PARP1: variants seen among roughly 807,000 people sequenced by gnomAD.
The protein encoded by PARP1 is poly(ADP-ribose) polymerase 1, also known as poly [ADP-ribose] polymerase 1.
In PARP1, 44 loss-of-function variants were observed where a neutral mutation model predicts 118.7. That is an observed-to-expected ratio of 0.37 (90% CI 0.29 to 0.48). PARP1 has a LOEUF of 0.48. PARP1 is among the 20% of genes least tolerant of loss of function. The probability of loss-of-function intolerance (pLI) is 0.99; values close to 1 mark genes in which losing one functional copy is unlikely to be tolerated. For synonymous variants in PARP1, 492 were observed against 483.2 expected, an observed-to-expected ratio of 1.02 and a Z score of -0.24; for missense variants, 1,100 against 1,272.4, an observed-to-expected ratio of 0.86 and a Z score of 2.06.
Position 226,402,114 on chromosome 1 carries a change from G to T in PARP1, c.286+100C>A, listed in dbSNP as rs1458549417. The T allele has an allele frequency of 4.4e-6, 7 of 1,605,640 alleles. No individual in the cohort carries two copies. The East Asian group carries it at 1.6e-4, about 36-fold the overall frequency. ...ACGCTTGATCTGCACATGTGGGAGA[G>T]GGCAAGCTGGGGGAGGTTTGCTTTG... On this transcript the variant is annotated intron_variant, in intron 2 of 22. Coordinates refer to ENST00000366794, the MANE Select transcript of PARP1 (RefSeq NM_001618.4).
rs1487440310 is a variant in PARP1 at position 226,392,149 on chromosome 1, C to A, written c.402+50G>T. 5.0e-6 allele frequency: 6 copies of A among 1,201,640 alleles called. No individual in the cohort carries two copies. The Admixed American group carries it at 1.0e-4, about 20-fold the overall frequency. The allele number at this position is 1,201,640 out of a possible 1,614,324, so 74.4% of individuals were successfully genotyped here. Reference sequence around the variant, plus strand: ...TTTCTCTTGAGATAGCCAATAACATCATTGCAAGCAATCCATAAAGTTCAG... The same window carrying A: ...TTTCTCTTGAGATAGCCAATAACATAATTGCAAGCAATCCATAAAGTTCAG... On this transcript the variant is annotated intron_variant, in intron 3 of 22. Coordinates refer to ENST00000366794, the MANE Select transcript of PARP1 (RefSeq NM_001618.4).
intron 19 of PARP1, 138 bp from the exon 20 acceptor site, chr1:226,364,208 G>A: frequency 1.2e-6 from 1 of 833,526 alleles, no homozygotes; most frequent in South Asian, 1.4e-5. Flanking sequence ...TGCCCATGGT[G>A]AGGAAATACC....
At chr1:226,366,108 G>A (rs1001808527) in intron 17 of PARP1, 56 bp from the exon 18 acceptor site, 14 of 1,203,960 alleles carry the variant, frequency 1.2e-5, no homozygotes, top group Non-Finnish European at 1.6e-5. Flanking sequence ...AGCTACAGAG[G>A]AGGAATGCTC....
chr1:226,363,139 T>C lies in PARP1; in HGVS notation c.2808A>G (p.Ser936=). The change falls in exon 21 of 23, where the codon TCA becomes TCG. Residue 936 remains serine (S), a synonymous_variant. Transcript: ENST00000366794. ...LGNMYELKHA[S]HISKLPKGKH... is the part of the protein sequence containing the mutation. ...TGCCCTTGGGTAACTTGCTGATATG[T>C]GAAGCGTGCTTCAGTTCATACCTAT... The C allele has an allele frequency of 1.2e-6, 2 of 1,613,706 alleles. No homozygotes were observed. The highest frequency in any genetic ancestry group is 1.7e-6 in the Non-Finnish European group (2 of 1,179,602).
chr1:226,363,075 G>C, intron 21 of PARP1, 24 bp downstream of exon 21: 1 of 1,591,976 alleles, frequency 6.3e-7, no homozygotes, highest in East Asian at 2.2e-5. Context: ...TCGGGCTGTA[G>C]CAACAGCTTT....
intron 17 of PARP1, 70 bp from the exon 18 acceptor site, chr1:226,366,122 CTCAG>C: frequency 9.8e-7 from 1 of 1,016,194 alleles, no homozygotes. Context: ...AATGCTCAGG[CTCAG>C]TCAATGCATA....
At chr1:226,379,735 C>A (rs929223385) in intron 10 of PARP1, 94 bp from the exon 11 acceptor site, 9 of 1,315,128 alleles carry the variant, frequency 6.8e-6, no homozygotes, top group Non-Finnish European at 9.9e-6. Context: ...TCATTCCCAT[C>A]ATCTGTCAAC....
chr1:226,378,712 A>G (rs1443577282), intron 12 of PARP1, among the ~76,000 whole-genome samples: 1 of 152,050 alleles, frequency 6.6e-6, no homozygotes, highest in Non-Finnish European at 1.5e-5. Flanking sequence ...GTGCGCACCT[A>G]TAGTCCCAGT....
intron 13 of PARP1, among the ~76,000 whole-genome samples, chr1:226,376,847 T>C (rs1335950229): frequency 1.3e-5 from 2 of 152,222 alleles, no homozygotes; most frequent in East Asian, 1.9e-4. Flanking sequence ...GGTTTCTGCA[T>C]GTCTATTCAC....
chr1:226,380,210 A>G, intron 9 of PARP1, 46 bp from the exon 10 acceptor site: 2 of 1,592,086 alleles, frequency 1.3e-6, no homozygotes, highest in Non-Finnish European at 1.7e-6. Context: ...AGTTTAAAAC[A>G]AAACTGAAAC....
In PARP1 at chr1:226,404,521, C is replaced by G. The variant is rs145006641; in HGVS notation, c.121-2142G>C. On this transcript the variant is annotated intron_variant, in intron 1 of 22. Coordinates refer to ENST00000366794, the MANE Select transcript of PARP1 (RefSeq NM_001618.4). ...CTGCCAGGGGCCCCAGACCTGCTGC[C>G]CTTTGGTCTGGGTGCTGTCTCCCCC... Among the ~76,000 whole-genome samples the G allele has an allele frequency of 6.5e-3, 990 of 152,326 alleles. 10 individuals are homozygous for G. The highest frequency in any genetic ancestry group is 9.2e-3 in the Non-Finnish European group (625 of 68,024).
Position 226,367,593 on chromosome 1 carries a change from G to A in PARP1, c.2293C>T (p.Leu765Phe), listed in dbSNP as rs747640398. Reference sequence around the variant, plus strand: ...ACCTCGATGTCCAGCAGGTTGTCAAGCATTTCCACCTTGGCCTGGAGGAGC... The same window carrying A: ...ACCTCGATGTCCAGCAGGTTGTCAAACATTTCCACCTTGGCCTGGAGGAGC... ...ADSVQAKVEMLDNLLDIEVAY... is the reference protein window; with the variant it reads ...ADSVQAKVEMFDNLLDIEVAY... The change falls in exon 17 of 23, where the codon CTT becomes TTT. Residue 765 changes from leucine (L) to phenylalanine (F), a missense_variant. Physicochemically the swap from Leu to Phe is conservative, Grantham distance 22. Coordinates refer to ENST00000366794, the MANE Select transcript of PARP1 (RefSeq NM_001618.4). 1 of 1,614,152 alleles carries A rather than the reference G, an allele frequency of 6.2e-7. No individual in the cohort carries two copies. Among genetic ancestry groups the A allele is most frequent in the Non-Finnish European group, 8.5e-7 (1 of 1,180,034 alleles).
intron 4 of PARP1, 85 bp from the exon 5 acceptor site, chr1:226,388,840 G>A (rs767615265): frequency 8.9e-5 from 91 of 1,023,348 alleles, no homozygotes; most frequent in Non-Finnish European, 1.3e-4. Flanking sequence ...GTATCTTAAT[G>A]TCATTCTATC....
At chr1:226,389,004 G>A (rs1441023659) in intron 4 of PARP1, among the ~76,000 whole-genome samples, 2 of 151,972 alleles carry the variant, frequency 1.3e-5, no homozygotes, top group Non-Finnish European at 2.9e-5. Flanking sequence ...CAGGGAGAGG[G>A]GCTAGGGTTG....
chr1:226,392,931 A>C (rs778614877), intron 2 of PARP1: 24 of 1,569,622 alleles, frequency 1.5e-5, no homozygotes, highest in Non-Finnish European at 1.9e-5. Flanking sequence ...GATTAGGAAT[A>C]AGACGAAGCT....
chr1:226,381,156 G>C lies in PARP1; in HGVS notation c.1212C>G (p.Asn404Lys). The C allele has an allele frequency of 6.2e-7, 1 of 1,614,122 alleles. No homozygotes were observed. The highest frequency in any genetic ancestry group is 1.3e-5 in the African/African-American group (1 of 75,028). Residue 404 changes from asparagine (N) to lysine (K), a missense_variant, in exon 9 of 23, where the codon AAC (asparagine) becomes AAG (lysine). Transcript: ENST00000366794. ...CAATCATGGCCTTCACTTCATCCTT[G>C]TTCCGGGACAGCTTCCCGAGAGTCA... Reference protein sequence around the residue: ...KILTLGKLSRNKDEVKAMIEK... With the variant: ...KILTLGKLSRKKDEVKAMIEK...
chr1:226,390,290 C>T lies in PARP1; in HGVS notation c.617+120G>A, dbSNP rs1664797111. 5 of 894,808 alleles carry T rather than the reference C, an allele frequency of 5.6e-6. No homozygotes were observed. In the Admixed American group the frequency reaches 9.1e-5, roughly 16 times the overall value. The allele number at this position is 894,808 out of a possible 1,614,324, so 55.4% of individuals were successfully genotyped here. A position where few individuals can be genotyped will look rare whatever the true frequency, so the allele number is the denominator to read the frequency against. On this transcript the variant is annotated intron_variant, in intron 4 of 22. Coordinates refer to ENST00000366794, the MANE Select transcript of PARP1 (RefSeq NM_001618.4). ...GTCACCATTCCTCAGTTTGCATCTCCCTGGCTTACTGACAGTCAGCGAAGG... is the reference window on the plus strand; with the variant it reads ...GTCACCATTCCTCAGTTTGCATCTCTCTGGCTTACTGACAGTCAGCGAAGG...
At chr1:226,372,620 A>C (rs1290428816) in intron 14 of PARP1, among the ~76,000 whole-genome samples, 1 of 152,250 alleles carries the variant, frequency 6.6e-6, no homozygotes, top group Admixed American at 6.5e-5. Context: ...GGTTACAATG[A>C]GCCGAGATCG....
At chr1:226,376,496 T>C (rs1407628928) in intron 13 of PARP1, among the ~76,000 whole-genome samples, 1 of 152,216 alleles carries the variant, frequency 6.6e-6, no homozygotes, top group Non-Finnish European at 1.5e-5. Context: ...AGGGTGACCA[T>C]GGGTTCAGAT....
Sources: gnomAD v4.1 joint callset for allele counts (sites outside exome capture counted in the v4.1 genomes callset) on GRCh38, gnomAD v4.1.1 for gene constraint, MANE v1.5 for transcripts, NCBI Gene and HGNC (gene_info 2026-07-23, HGNC 2026-07-21) for gene names.